Variants in LRBA observed in about 807,000 individuals in gnomAD.
The protein encoded by LRBA is lipopolysaccharide-responsive and beige-like anchor protein.
A neutral mutation model predicts 330.0 loss-of-function variants in LRBA; 176 were observed. The observed-to-expected ratio is 0.53, with a 90% CI of 0.47 to 0.60. LRBA has a LOEUF of 0.60. Among genes scored for constraint, LRBA ranks in the 20% least tolerant of loss-of-function variants. The probability of loss-of-function intolerance (pLI) is 0.00; values close to 1 mark genes in which losing one functional copy is unlikely to be tolerated. For synonymous variants in LRBA, 1,230 were observed against 1,193.0 expected, an observed-to-expected ratio of 1.03 and a Z score of -0.64; for missense variants, 3,259 against 3,444.8, an observed-to-expected ratio of 0.95 and a Z score of 1.35.
rs577263641 is a variant in LRBA, at chr4:150,998,691, A to T, written c.216+15736T>A. Among the ~76,000 whole-genome samples the T allele has an allele frequency of 5.9e-5, 9 of 151,940 alleles. No homozygotes were observed. In the East Asian group the frequency reaches 1.7e-3, roughly 29 times the overall value. Reference sequence around the variant, plus strand: ...TTAATTACTAAAATTTTAAAACACCACCTCCACACATAAAATCCCCCATGA... The same window carrying T: ...TTAATTACTAAAATTTTAAAACACCTCCTCCACACATAAAATCCCCCATGA... On this transcript the variant is annotated intron_variant, in intron 2 of 56. Coordinates refer to ENST00000651943, the MANE Select transcript of LRBA (RefSeq NM_001364905.1).
intron 47 of LRBA, among the ~76,000 whole-genome samples, chr4:150,404,010 C>T (rs1267568908): frequency 1.3e-5 from 2 of 151,796 alleles, no homozygotes; most frequent in Non-Finnish European, 2.9e-5. Context: ...CCAGCCTGGG[C>T]GACAGAGCGA....
At chr4:150,769,331 CACAG>C (rs1214177371) in intron 34 of LRBA, among the ~76,000 whole-genome samples, 3 of 151,782 alleles carry the variant, frequency 2.0e-5, no homozygotes, top group Non-Finnish European at 4.4e-5. Flanking sequence ...CAGAGAGAGA[CACAG>C]ACAGAGAGAC....
At chr4:150,485,981 G>A (rs1757826894) in intron 42 of LRBA, among the ~76,000 whole-genome samples, 1 of 151,844 alleles carries the variant, frequency 6.6e-6, no homozygotes, top group South Asian at 2.1e-4. Flanking sequence ...ACTTTTCATT[G>A]TAAGACAAGT....
intron 9 of LRBA, 104 bp from the exon 10 acceptor site, chr4:150,908,961 T>C: frequency 1.4e-6 from 1 of 719,144 alleles, no homozygotes; most frequent in South Asian, 1.9e-5. Flanking sequence ...TGATAATCTT[T>C]TAACAGTATT....
intron 30 of LRBA, 94 bp downstream of exon 30, chr4:150,828,086 T>A: frequency 1.8e-6 from 2 of 1,119,210 alleles, no homozygotes; most frequent in Non-Finnish European, 2.6e-6. Context: ...TATATGTGGA[T>A]TTTCGGCTAC....
At position 150,470,308 on chromosome 4, in the gene LRBA, C is replaced by T. The variant is rs536806560; in HGVS notation, c.6667+1316G>A. On this transcript the variant is annotated intron_variant, in intron 43 of 56. Transcript: ENST00000651943. The stretch of plus-strand genomic sequence containing the variant: ...GGTGAAAATGCCTTCCTCCCTCTTT[C>T]ACCTTGCCTCTCAAGACATCTGACT... Among the ~76,000 whole-genome samples, 163 of 152,330 alleles carry T rather than the reference C, an allele frequency of 1.1e-3. 1 individual carries two copies. Among genetic ancestry groups the T allele is most frequent in the African/African-American group, 3.1e-3 (129 of 41,578 alleles).
chr4:150,542,997 T>C (rs1168883417), intron 40 of LRBA, among the ~76,000 whole-genome samples: 1 of 152,180 alleles, frequency 6.6e-6, no homozygotes, highest in African/African-American at 2.4e-5. Flanking sequence ...GCCATCTTTA[T>C]TACCAAAAAC....
At chr4:150,738,015 G>A (rs1169939520) in intron 35 of LRBA, among the ~76,000 whole-genome samples, 3 of 122,522 alleles carry the variant, frequency 2.4e-5, no homozygotes, top group Admixed American at 9.8e-5. Flanking sequence ...TTTCTGAGAC[G>A]AAGTTTCGCT....
chr4:150,771,807 C>T (rs536882393), intron 34 of LRBA, among the ~76,000 whole-genome samples: 2 of 152,264 alleles, frequency 1.3e-5, no homozygotes, highest in East Asian at 1.9e-4. Flanking sequence ...GCCACCATGG[C>T]CACCTTGTTC....
At chr4:150,977,494 C>A (rs917895114) in intron 2 of LRBA, among the ~76,000 whole-genome samples, 2 of 152,170 alleles carry the variant, frequency 1.3e-5, no homozygotes, top group Non-Finnish European at 2.9e-5. Flanking sequence ...GAACCAGAAG[C>A]AACATCCAAG....
At chr4:150,898,957 A>G (rs1236379519) in intron 14 of LRBA, among the ~76,000 whole-genome samples, 1 of 152,224 alleles carries the variant, frequency 6.6e-6, no homozygotes, top group East Asian at 1.9e-4. Flanking sequence ...TAGTATGCAA[A>G]TTGAAAATCT....
chr4:150,444,451 C>T (rs116821957), intron 44 of LRBA, among the ~76,000 whole-genome samples: 225 of 152,268 alleles, frequency 1.5e-3, no homozygotes, highest in African/African-American at 5.0e-3. Context: ...TTTCTTTCAA[C>T]TGTAGCGCTC....
At chr4:150,312,514 T>C (rs1227295317) in intron 51 of LRBA, among the ~76,000 whole-genome samples, 2 of 152,040 alleles carry the variant, frequency 1.3e-5, no homozygotes, top group East Asian at 3.9e-4. Context: ...AGAATCTTAC[T>C]ATGTGCTTTA....
At chr4:150,925,939 T>C (rs1045277414) in intron 4 of LRBA, among the ~76,000 whole-genome samples, 2 of 152,182 alleles carry the variant, frequency 1.3e-5, no homozygotes, top group African/African-American at 4.8e-5. Context: ...GTTTTCAGTA[T>C]GCAGGAAGAG....
intron 44 of LRBA, among the ~76,000 whole-genome samples, chr4:150,458,941 A>T (rs1056494191): frequency 1.3e-5 from 2 of 151,970 alleles, no homozygotes; most frequent in East Asian, 1.9e-4. Context: ...CATTTTTAAG[A>T]ATGAGACACT....
intron 9 of LRBA, among the ~76,000 whole-genome samples, chr4:150,913,085 A>G (rs1732193113): frequency 6.6e-6 from 1 of 152,138 alleles, no homozygotes; most frequent in Non-Finnish European, 1.5e-5. Context: ...GTCAAAAAAG[A>G]TACTTGGTAT....
rs1579140481 is a variant in LRBA, at chr4:150,900,150, A to G, written c.1823T>C (p.Ile608Thr). ...FIGTVNIYNT[I>T]RRVGTVLLIM... is the part of the protein sequence containing the mutation. Reference sequence around the variant, plus strand: ...GAGAAGCACTGTTCCAACTCTCCGAATGGTGTTATATATGTTGACTGTACC... The same window carrying G: ...GAGAAGCACTGTTCCAACTCTCCGAGTGGTGTTATATATGTTGACTGTACC... Residue 608 changes from isoleucine to threonine, a missense_variant, in exon 14 of 57, where the codon ATT becomes ACT. Ile to Thr is a moderately conservative substitution (Grantham distance 89). Coordinates refer to ENST00000651943, the MANE Select transcript of LRBA (RefSeq NM_001364905.1). The G allele has an allele frequency of 8.7e-6, 14 of 1,612,918 alleles. No individual in the cohort carries two copies. The highest frequency in any genetic ancestry group is 1.3e-5 in the African/African-American group (1 of 75,000).
chr4:150,653,064 C>T (rs900765910), intron 37 of LRBA, among the ~76,000 whole-genome samples: 1 of 151,988 alleles, frequency 6.6e-6, no homozygotes, highest in African/African-American at 2.4e-5. Context: ...AAGAACTGGC[C>T]AGGCATGGTG....
chr4:150,535,993 C>A (rs915191849), intron 40 of LRBA, among the ~76,000 whole-genome samples: 6 of 152,044 alleles, frequency 3.9e-5, no homozygotes, highest in African/African-American at 1.4e-4. Context: ...TATAACCAAG[C>A]CTTTACATTT....
Sources: gnomAD v4.1 joint callset for allele counts (sites outside exome capture counted in the v4.1 genomes callset) on GRCh38, gnomAD v4.1.1 for gene constraint, MANE v1.5 for transcripts, NCBI Gene and HGNC (gene_info 2026-07-23, HGNC 2026-07-21) for gene names.